SIRPG: variants seen among roughly 807,000 people sequenced by gnomAD.
SIRPG encodes signal-regulatory protein gamma.
Under a neutral mutation model 35.7 loss-of-function variants are expected in SIRPG, and 38 were observed. That is an observed-to-expected ratio of 1.06 (90% CI 0.82 to 1.40). The LOEUF (loss-of-function observed/expected upper bound fraction) is 1.40, where lower values mean the gene tolerates loss of function less well. Ranked by LOEUF, SIRPG falls within the 40% of genes most tolerant of loss-of-function variation. The pLI, the probability that SIRPG is intolerant of heterozygous loss-of-function variation, is 0.00. For missense variants in SIRPG, 519 were observed against 483.0 expected (o/e 1.07, Z -0.70); for synonymous variants, 215 against 190.4 (o/e 1.13, Z -1.06).
At chr20:1,668,220 TTTC>T in the SIRPG span, among the ~76,000 whole-genome samples, 21 of 77,262 alleles carry the variant, frequency 2.7e-4, no homozygotes, top group African/African-American at 8.6e-4. Flanking sequence ...TCTTTCTTTC[TTTC>T]TTTCTTTCTT....
chr20:1,646,732 C>G (rs1294552658), intron 2 of SIRPG: 1 of 152,336 alleles, frequency 6.6e-6, no homozygotes, highest in Non-Finnish European at 1.5e-5. Flanking sequence ...ACCGCAACCT[C>G]CGCCTTCCAG....
At chr20:1,639,435 G>C (rs2091832777) in intron 2 of SIRPG, among the ~76,000 whole-genome samples, 1 of 152,044 alleles carries the variant, frequency 6.6e-6, no homozygotes. Flanking sequence ...AGAAGTGTGT[G>C]TTCATATACT....
chr20:1,633,431 T>G (rs1416100868), intron 4 of SIRPG: 1 of 152,234 alleles, frequency 6.6e-6, no homozygotes, highest in Non-Finnish European at 1.5e-5. Flanking sequence ...TTTAATAATT[T>G]TATGAAATTT....
At chr20:1,666,917 C>CT in the SIRPG span, among the ~76,000 whole-genome samples, 44 of 146,952 alleles carry the variant, frequency 3.0e-4, no homozygotes, top group South Asian at 8.6e-4. Context: ...TATTTACTTA[C>CT]TTTTTTTTTT....
At chr20:1,664,713 C>A in the SIRPG span, among the ~76,000 whole-genome samples, 6 of 152,140 alleles carry the variant, frequency 3.9e-5, no homozygotes, top group Non-Finnish European at 7.4e-5. Flanking sequence ...GGAAATGTTT[C>A]CGGAGAGCCT....
intron 1 of SIRPG, among the ~76,000 whole-genome samples, chr20:1,649,629 CTTTTTTTTTTTTTT>C (rs35561366): frequency 4.0e-5 from 3 of 75,788 alleles, no homozygotes; most frequent in East Asian, 4.6e-4. Flanking sequence ...CAGAGAGGTT[CTTTTTTTTTTTTTT>C]TTTTTTTTTT....
intron 4 of SIRPG, among the ~76,000 whole-genome samples, chr20:1,634,928 A>T (rs1424459261): frequency 2.0e-5 from 3 of 151,654 alleles, no homozygotes; most frequent in Non-Finnish European, 2.9e-5. Flanking sequence ...CTGTAGTCCC[A>T]GCTACTCGGG....
chr20:1,653,261 A>G (rs938749472), intron 1 of SIRPG, among the ~76,000 whole-genome samples: 1 of 152,206 alleles, frequency 6.6e-6, no homozygotes, highest in Non-Finnish European at 1.5e-5. Flanking sequence ...CCAGTTACCA[A>G]TGAGTGAGCC....
At chr20:1,659,491 G>T (rs2091990550), upstream of SIRPG, among the ~76,000 whole-genome samples, 1 of 152,196 alleles carries the variant, frequency 6.6e-6, no homozygotes, top group Non-Finnish European at 1.5e-5. Flanking sequence ...TGACATGAAG[G>T]AATTATAACA....
chr20:1,649,474 C>T, intron 1 of SIRPG, 66 bp from the exon 2 acceptor site: 1 of 1,415,686 alleles, frequency 7.1e-7, no homozygotes, highest in Non-Finnish European at 9.6e-7. Context: ...TCATGTTTAT[C>T]AAAGATATTC....
chr20:1,634,983 C>T (rs1420653994), intron 4 of SIRPG, among the ~76,000 whole-genome samples: 2 of 151,358 alleles, frequency 1.3e-5, no homozygotes, highest in African/African-American at 2.4e-5. Context: ...GCGGAGCTTG[C>T]GGTGAGCAGA....
chr20:1,630,005 G>T (rs1219857328), intron 5 of SIRPG, among the ~76,000 whole-genome samples: 1 of 152,154 alleles, frequency 6.6e-6, no homozygotes, highest in East Asian at 1.9e-4. Context: ...GGGCACTGTG[G>T]ACATCTTTGA....
the SIRPG span, chr20:1,670,025 C>G: frequency 1.2e-5 from 3 of 257,202 alleles, no homozygotes; most frequent in Admixed American, 7.8e-5. Flanking sequence ...CACATCATCC[C>G]TGTGGGCAGA....
At chr20:1,664,971 C>A in the SIRPG span, among the ~76,000 whole-genome samples, 1 of 152,146 alleles carries the variant, frequency 6.6e-6, no homozygotes, top group Non-Finnish European at 1.5e-5. Flanking sequence ...CTAGAGGTGG[C>A]CTGTGAGGGA....
chr20:1,668,207 C>CTTTCTTTCTTTCTTTTTCTTTTCT, the SIRPG span, among the ~76,000 whole-genome samples: 1 of 29,050 alleles, frequency 3.4e-5, no homozygotes, highest in Admixed American at 4.1e-4. Flanking sequence ...TCTTTTCTTT[C>CTTTCTTTCTTTCTTTTTCTTTTCT]TTTCTTTCTT....
intron 1 of SIRPG, among the ~76,000 whole-genome samples, chr20:1,650,692 A>G (rs1288599789): frequency 6.6e-6 from 1 of 152,188 alleles, no homozygotes; most frequent in Non-Finnish European, 1.5e-5. Context: ...AGATTATTGG[A>G]AGAAATCATG....
rs927647333 is a variant in SIRPG at position 1,657,762 on chromosome 20, G to A, written c.-48C>T. 1.3e-6 allele frequency: 2 copies of A among 1,557,474 alleles called. No individual in the cohort carries two copies. The highest frequency in any genetic ancestry group is 1.7e-5 in the Admixed American group (1 of 58,376). The stretch of plus-strand genomic sequence containing the variant: ...TCTGTTCAAACGTCTGTTCTGGGGA[G>A]ATGTCAGGCCCTGCTCTGAAGACAG... On this transcript the variant is annotated 5_prime_UTR_variant, in exon 1 of 6. Transcript: ENST00000303415.
intron 4 of SIRPG, 177 bp from the exon 5 acceptor site, chr20:1,630,483 C>T: frequency 3.5e-6 from 2 of 578,130 alleles, no homozygotes; most frequent in Non-Finnish European, 6.1e-6. Context: ...AAGAGGCTCC[C>T]CATTCTCACT....
chr20:1,682,704 A>G, the SIRPG span, among the ~76,000 whole-genome samples: 8 of 152,238 alleles, frequency 5.3e-5, no homozygotes, highest in African/African-American at 1.9e-4. Context: ...TACCACATAC[A>G]AAAATCAACT....
Sources: gnomAD v4.1 joint callset for allele counts (sites outside exome capture counted in the v4.1 genomes callset) on GRCh38, gnomAD v4.1.1 for gene constraint, MANE v1.5 for transcripts, NCBI Gene and HGNC (gene_info 2026-07-23, HGNC 2026-07-21) for gene names.